NGDN: variants seen among roughly 807,000 people sequenced by gnomAD.
The protein encoded by NGDN is EIF4E-binding protein.
A neutral mutation model predicts 45.2 loss-of-function variants in NGDN; 41 were observed. The observed-to-expected ratio is 0.91, with a 90% confidence interval of 0.71 to 1.18. NGDN has a LOEUF of 1.18. NGDN is among the 50% of genes most tolerant of loss of function. The pLI is 0.00. For missense variants in NGDN, 402 were observed against 399.9 expected (o/e 1.01, Z -0.05); for synonymous variants, 137 against 130.9 (o/e 1.05, Z -0.32).
At chr14:23,477,647 C>A (rs1893935208) in intron 10 of NGDN, 87 bp downstream of exon 10, 2 of 1,589,174 alleles carry the variant, frequency 1.3e-6, no homozygotes, top group Non-Finnish European at 1.7e-6. Flanking sequence ...CTGGGTCTCA[C>A]CAAGCCCTGT....
chr14:23,470,080 T>A lies in NGDN; in HGVS notation c.51T>A (p.Leu17=), dbSNP rs1482872767. The A allele has an allele frequency of 6.2e-7, 1 of 1,614,090 alleles. No individual in the cohort carries two copies. Among genetic ancestry groups the A allele is most frequent in the Non-Finnish European group, 8.5e-7 (1 of 1,179,968 alleles). Residue 17 remains leucine (L), a synonymous_variant, in exon 2 of 11, where the codon CTT becomes CTA. Coordinates refer to ENST00000408901, the MANE Select transcript of NGDN (RefSeq NM_001042635.2). ...LESDLPSAVT[L]LKNLQEQVMA... Reference sequence around the variant, plus strand: ...CCGACCTGCCAAGTGCCGTGACACTTCTGAAAAATCTCCAGGAGCAAGTGA... The same window carrying A: ...CCGACCTGCCAAGTGCCGTGACACTACTGAAAAATCTCCAGGAGCAAGTGA...
intron 2 of NGDN, among the ~76,000 whole-genome samples, chr14:23,470,692 A>G (rs1893755258): frequency 6.6e-6 from 1 of 151,038 alleles, no homozygotes; most frequent in East Asian, 1.9e-4. Context: ...TCAGTAAAAG[A>G]TGGTCTCTTC....
At chr14:23,476,937 T>A (rs1028794030) in intron 8 of NGDN, among the ~76,000 whole-genome samples, 1 of 152,206 alleles carries the variant, frequency 6.6e-6, no homozygotes, top group Non-Finnish European at 1.5e-5. Flanking sequence ...TAAAAAAATT[T>A]TGGTGTAATA....
At chr14:23,470,208 T>G in intron 2 of NGDN, 107 bp downstream of exon 2, 5 of 952,068 alleles carry the variant, frequency 5.3e-6, no homozygotes, top group Non-Finnish European at 5.0e-6. Flanking sequence ...TCCAAAAACC[T>G]TAGAGTAAAA....
intron 8 of NGDN, among the ~76,000 whole-genome samples, chr14:23,476,777 C>T (rs1218542099): frequency 6.6e-6 from 1 of 152,156 alleles, no homozygotes; most frequent in Non-Finnish European, 1.5e-5. Flanking sequence ...TTTATAGTGA[C>T]ATTGTGAGTG....
At chr14:23,470,881 C>A (rs201472091) in intron 2 of NGDN, 25 bp from the exon 3 acceptor site, 2 of 65,944 alleles carry the variant, frequency 3.0e-5, no homozygotes, top group Non-Finnish European at 5.9e-5. Flanking sequence ...AATCTAATCA[C>A]TTGTTTTATT....
chr14:23,477,807 CT>C, intron 10 of NGDN, 199 bp from the exon 11 acceptor site: 1 of 1,461,202 alleles, frequency 6.8e-7, no homozygotes, highest in Non-Finnish European at 9.0e-7. Flanking sequence ...CTAAATAGAA[CT>C]GGTAAAGTGT....
Position 23,472,117 on chromosome 14 carries a change from C to T in NGDN, c.144+1140C>T, listed in dbSNP as rs536108956. The stretch of plus-strand genomic sequence containing the variant: ...AATGGATCGGTTGAGCCCAGGAGGT[C>T]GAGGCTGCCATGAGCCACGGTCGCA... On this transcript the variant is annotated intron_variant, in intron 3 of 10. Transcript: ENST00000408901. 1.1e-4 allele frequency among the ~76,000 whole-genome samples: 15 copies of T among 141,670 alleles called. No homozygotes were observed. In the South Asian group the frequency reaches 2.5e-3, roughly 24 times the overall value. 92.9% of individuals were successfully genotyped at this position (141,670 alleles called of 152,430 possible).
In NGDN at chr14:23,475,249, G is replaced by A; in HGVS notation, c.223G>A (p.Ala75Thr). The A allele has an allele frequency of 6.2e-7, 1 of 1,614,104 alleles. No individual in the cohort carries two copies. Residue 75 changes from alanine (A) to threonine (T), a missense_variant, in exon 4 of 11, where the codon GCC (alanine) becomes ACC (threonine). Ala to Thr is a moderately conservative substitution (Grantham distance 58). Transcript: ENST00000408901. ...MDLTHLILDK[A>T]SGGSLQGHDA... is the part of the protein sequence containing the mutation. ...TTTGACCCACCTCATTCTGGACAAA[G>A]CCTCAGGAGGATCTCTTCAGGGACA...
At chr14:23,475,925 T>C in intron 6 of NGDN, 104 bp from the exon 7 acceptor site, 1 of 1,507,266 alleles carries the variant, frequency 6.6e-7, no homozygotes, top group Non-Finnish European at 9.1e-7. Context: ...TTCCCTTTTT[T>C]CCCTTTTTAT....
chr14:23,472,555 A>G (rs1893806312), intron 3 of NGDN, among the ~76,000 whole-genome samples: 1 of 152,216 alleles, frequency 6.6e-6, no homozygotes, highest in African/African-American at 2.4e-5. Context: ...AAGGTCTGGT[A>G]GAACCTTCTC....
At chr14:23,472,467 T>A (rs373981188) in intron 3 of NGDN, among the ~76,000 whole-genome samples, 1 of 152,198 alleles carries the variant, frequency 6.6e-6, no homozygotes, top group East Asian at 1.9e-4. Flanking sequence ...GCCACTGTGC[T>A]GCAGCCTGGG....
At position 23,469,734 on chromosome 14, in the gene NGDN, T is replaced by G. The variant is rs994251390; in HGVS notation, c.12+7T>G. The G allele has an allele frequency of 1.9e-6, 3 of 1,613,904 alleles. No individual in the cohort carries two copies. The African/African-American group carries it at 4.0e-5, about 22-fold the overall frequency. ...TGCGAAGATGGCGGCGCTGGTGAGT[T>G]TGGTGTGGTTTCTTCCTCGCGTAGC... On this transcript the variant is annotated splice_region_variant and intron_variant, in intron 1 of 10. Coordinates refer to ENST00000408901, the MANE Select transcript of NGDN (RefSeq NM_001042635.2).
chr14:23,470,879 CA>C (rs752114604), intron 2 of NGDN, 26 bp from the exon 3 acceptor site: 28 of 1,442,140 alleles, frequency 1.9e-5, no homozygotes, highest in East Asian at 5.1e-5. Context: ...ATAATCTAAT[CA>C]CTTGTTTTAT....
At chr14:23,472,233 C>T (rs984815420) in intron 3 of NGDN, among the ~76,000 whole-genome samples, 4 of 148,048 alleles carry the variant, frequency 2.7e-5, no homozygotes, top group African/African-American at 1.0e-4. Context: ...AGGTGGCTCA[C>T]ACCTATAATT....
At chr14:23,472,027 A>G (rs1893789461) in intron 3 of NGDN, among the ~76,000 whole-genome samples, 2 of 149,906 alleles carry the variant, frequency 1.3e-5, no homozygotes, top group Non-Finnish European at 3.0e-5. Flanking sequence ...CTATCTCTAT[A>G]AAAAAAAATT....
chr14:23,475,074 A>ATC, intron 3 of NGDN, 97 bp from the exon 4 acceptor site: 1 of 1,320,666 alleles, frequency 7.6e-7, no homozygotes, highest in Non-Finnish European at 1.0e-6. Flanking sequence ...GATTGGGAAA[A>ATC]TCTTGAACTT....
At position 23,478,072 on chromosome 14, in the gene NGDN, T is replaced by C. The variant is rs762036572; in HGVS notation, c.*46T>C. 3 of 1,568,776 alleles carry C rather than the reference T, an allele frequency of 1.9e-6. No homozygotes were observed. The highest frequency in any genetic ancestry group is 2.6e-6 in the Non-Finnish European group (3 of 1,138,860). ...ATATTTTTTGTCATCCTGAGATACT[T>C]CTAATTTCATTGTATATAGGTGGTT... is the stretch of plus-strand genomic sequence containing the variant. On this transcript the variant is annotated 3_prime_UTR_variant, in exon 11 of 11. Transcript: ENST00000408901.
At chr14:23,474,071 A>G (rs1893844679) in intron 3 of NGDN, among the ~76,000 whole-genome samples, 1 of 150,882 alleles carries the variant, frequency 6.6e-6, no homozygotes, top group Non-Finnish European at 1.5e-5. Flanking sequence ...TGAGGTCACA[A>G]GGTTAAGTGA....
Sources: allele counts gnomAD v4.1 joint callset (sites outside exome capture counted in the v4.1 genomes callset), GRCh38; gene constraint gnomAD v4.1.1; transcripts MANE v1.5; gene names NCBI Gene and HGNC (gene_info 2026-07-23, HGNC 2026-07-21).